Variants in PC observed in about 807,000 individuals in gnomAD.
The protein encoded by PC is pyruvate carboxylase, also known as pyruvate carboxylase, mitochondrial.
Under a neutral mutation model 107.8 loss-of-function variants are expected in PC, and 46 were observed. The ratio of observed to expected loss-of-function variants is 0.43; its 90% CI spans 0.34 to 0.55. The LOEUF (loss-of-function observed/expected upper bound fraction) is 0.55, where lower values mean the gene tolerates loss of function less well. Among genes scored for constraint, PC ranks in the 20% least tolerant of loss-of-function variants. The pLI, the probability that PC is intolerant of heterozygous loss-of-function variation, is 0.04. For synonymous variants in PC, 662 were observed against 684.7 expected (o/e 0.97, Z 0.52); for missense variants, 1,241 against 1,643.1 (o/e 0.76, Z 4.23).
intron 3 of PC, among the ~76,000 whole-genome samples, chr11:66,943,346 G>A (rs1311238034): frequency 1.3e-5 from 2 of 151,948 alleles, no homozygotes; most frequent in Non-Finnish European, 2.9e-5. Flanking sequence ...TGAGGACGCA[G>A]CCTGAAGACA....
chr11:66,931,599 A>AG (rs397693060), intron 3 of PC, among the ~76,000 whole-genome samples: 1 of 151,706 alleles, frequency 6.6e-6, no homozygotes, highest in African/African-American at 2.4e-5. Context: ...AGAAAAAAAA[A>AG]CATGCAATGG....
chr11:66,946,518 G>A (rs144528452), intron 3 of PC, among the ~76,000 whole-genome samples: 5,818 of 152,220 alleles, frequency 0.038, 352 homozygotes, highest in African/African-American at 0.13. Flanking sequence ...TACTCGGGAG[G>A]CTGAGGCAGA....
chr11:66,902,874 G>T (rs1231781520), intron 3 of PC, among the ~76,000 whole-genome samples: 1 of 152,194 alleles, frequency 6.6e-6, no homozygotes, highest in Admixed American at 6.5e-5. Flanking sequence ...TCTGCAAATA[G>T]CAAGAGCTTC....
intron 3 of PC, among the ~76,000 whole-genome samples, chr11:66,933,945 C>T (rs917151026): frequency 6.6e-6 from 1 of 152,146 alleles, no homozygotes; most frequent in Non-Finnish European, 1.5e-5. Flanking sequence ...ATGCTCACTA[C>T]GCCCCACCAG....
At chr11:66,919,871 A>G (rs1948553027) in intron 3 of PC, 2 of 152,260 alleles carry the variant, frequency 1.3e-5, no homozygotes, top group South Asian at 4.1e-4. Context: ...GAGAAGAGGT[A>G]CAGAGATGCT....
chr11:66,874,510 A>G (rs905767080), intron 3 of PC, among the ~76,000 whole-genome samples: 8 of 152,246 alleles, frequency 5.3e-5, no homozygotes, highest in Non-Finnish European at 1.0e-4. Context: ...GTGCCATATT[A>G]CAGCCAACAA....
chr11:66,851,206 A>T lies in PC; in HGVS notation c.2057T>A (p.Met686Lys), dbSNP rs1408794402. 6.2e-7 allele frequency: 1 copy of T among 1,609,064 alleles called. No individual in the cohort carries two copies. Among genetic ancestry groups the T allele is most frequent in the African/African-American group, 1.3e-5 (1 of 74,934 alleles). ...VFDSLNYLPN[M>K]LLGMEAAGSA... Reference sequence around the variant, plus strand: ...TCCTGCCGCCTCCATGCCCAGCAGCATGTTGGGCAAGTAGTTGAGGGAGTC... The same window carrying T: ...TCCTGCCGCCTCCATGCCCAGCAGCTTGTTGGGCAAGTAGTTGAGGGAGTC... Residue 686 changes from methionine to lysine, a missense_variant, in exon 17 of 23, where the codon ATG (methionine) becomes AAG (lysine). Met to Lys is a moderately conservative substitution (Grantham distance 95). Coordinates refer to ENST00000393960, the MANE Select transcript of PC (RefSeq NM_001040716.2).
chr11:66,920,575 G>A (rs1428588204), intron 3 of PC, among the ~76,000 whole-genome samples: 1 of 152,090 alleles, frequency 6.6e-6, no homozygotes, highest in African/African-American at 2.4e-5. Flanking sequence ...AACCCTATAA[G>A]CAACAGCTTC....
Position 66,870,887 on chromosome 11 carries a change from C to T in PC, c.639G>A (p.Leu213=). 5 of 1,612,650 alleles carry T rather than the reference C, an allele frequency of 3.1e-6. No individual in the cohort carries two copies. The South Asian group carries it at 5.5e-5, about 18-fold the overall frequency. The stretch of plus-strand genomic sequence containing the variant: ...AGTAGGCCCGGGTGTAATTCTCCTC[C>T]AGCTCCTGCGAGGGCGGGCAGGGGC... ...GMRVVHSYEE[L]EENYTRAYSE... The change falls in exon 8 of 23, where the codon CTG becomes CTA. Residue 213 remains leucine, a synonymous_variant. Transcript: ENST00000393960. This position sits in a 1 kb window ranked among gnomAD's most constrained non-coding sequence, Gnocchi z 6.1.
intron 2 of PC, among the ~76,000 whole-genome samples, chr11:66,953,410 C>A (rs1208706983): frequency 6.6e-6 from 1 of 152,204 alleles, no homozygotes; most frequent in Non-Finnish European, 1.5e-5. Flanking sequence ...CCTGCAGAGA[C>A]CCCTCTCTGC....
intron 3 of PC, among the ~76,000 whole-genome samples, chr11:66,880,308 T>A (rs917209944): frequency 6.6e-6 from 1 of 152,166 alleles, no homozygotes; most frequent in Non-Finnish European, 1.5e-5. Flanking sequence ...ACTCTGGGTA[T>A]GCTGAGCTTG....
chr11:66,913,366 C>T (rs1039578053), intron 3 of PC, among the ~76,000 whole-genome samples: 4 of 151,768 alleles, frequency 2.6e-5, no homozygotes, highest in African/African-American at 9.7e-5. Context: ...ATTCTGGCAG[C>T]CCAATCTCAC....
At chr11:66,888,521 G>T (rs367601191) in intron 3 of PC, among the ~76,000 whole-genome samples, 5 of 152,196 alleles carry the variant, frequency 3.3e-5, no homozygotes, top group Non-Finnish European at 7.3e-5. Context: ...GAACTCCCAC[G>T]GCGATGGGGA....
chr11:66,849,317 G>A lies in PC; in HGVS notation c.3201C>T (p.Asp1067=), dbSNP rs1174422981. ...TLHIKALAVS[D]LNRAGQRQVF... ...CCTGCCTCTGGCCGGCCCGGTTCAG[G>A]TCGCTCACGGCCAGGGCTTTGATGT... Residue 1067 remains aspartate, a synonymous_variant, in exon 22 of 23, where the codon GAC becomes GAT. Coordinates refer to ENST00000393960, the MANE Select transcript of PC (RefSeq NM_001040716.2). 2.5e-6 allele frequency: 4 copies of A among 1,613,424 alleles called. No individual in the cohort carries two copies. The highest frequency in any genetic ancestry group is 1.3e-5 in the African/African-American group (1 of 74,924).
chr11:66,870,735 C>T lies in PC; in HGVS notation c.751+40G>A, dbSNP rs755486548. The T allele has an allele frequency of 1.4e-5, 22 of 1,569,440 alleles. No individual in the cohort carries two copies. The highest frequency in any genetic ancestry group is 3.3e-5 in the South Asian group (3 of 90,342). On this transcript the variant is annotated intron_variant, in intron 8 of 22. Coordinates refer to ENST00000393960, the MANE Select transcript of PC (RefSeq NM_001040716.2). The surrounding 1 kb of genome is among the most constrained non-coding windows in gnomAD (Gnocchi z 6.1). Reference sequence around the variant, plus strand: ...CACCAGGACTGGGCCTCTCAGCTCCCGCCTCCAGCTGCCCCAGGCGGGGCG... The same window carrying T: ...CACCAGGACTGGGCCTCTCAGCTCCTGCCTCCAGCTGCCCCAGGCGGGGCG...
intron 3 of PC, among the ~76,000 whole-genome samples, chr11:66,915,074 T>C (rs1242974899): frequency 6.7e-6 from 1 of 149,392 alleles, no homozygotes; most frequent in East Asian, 2.0e-4. Context: ...GTCAGCAGGG[T>C]CCTAGGGTGC....
chr11:66,860,312 CCT>C, intron 12 of PC: 1 of 1,414,196 alleles, frequency 7.1e-7, no homozygotes, highest in Non-Finnish European at 9.7e-7. Context: ...CTCAGGCTCC[CCT>C]GTGTACTTGG....
At chr11:66,921,007 C>T (rs1948580914) in intron 3 of PC, among the ~76,000 whole-genome samples, 2 of 146,672 alleles carry the variant, frequency 1.4e-5, no homozygotes, top group African/African-American at 2.6e-5. Flanking sequence ...GGCTGGGTGG[C>T]GGAGCGAGAC....
chr11:66,910,260 G>A (rs565524833), intron 3 of PC, among the ~76,000 whole-genome samples: 89 of 152,208 alleles, frequency 5.8e-4, no homozygotes, highest in African/African-American at 2.1e-3. Flanking sequence ...AGAACGAGTC[G>A]CTCTGTGCTC....
Sources: allele counts gnomAD v4.1 joint callset (sites outside exome capture counted in the v4.1 genomes callset), GRCh38; gene constraint gnomAD v4.1.1; non-coding constraint Gnocchi (gnomAD v3.1); transcripts MANE v1.5; gene names NCBI Gene and HGNC (gene_info 2026-07-23, HGNC 2026-07-21).